NEK6: variants seen among roughly 807,000 people sequenced by gnomAD.
NEK6 encodes NIMA related kinase 6, also known as serine/threonine-protein kinase Nek6.
A neutral mutation model predicts 43.5 loss-of-function variants in NEK6; 27 were observed. The ratio of observed to expected loss-of-function variants is 0.62; its 90% CI spans 0.46 to 0.86. NEK6 has a LOEUF of 0.86. NEK6 is among the 40% of genes least tolerant of loss of function. The pLI, the probability that NEK6 is intolerant of heterozygous loss-of-function variation, is 0.00. For synonymous variants in NEK6, 167 were observed against 164.1 expected (o/e 1.02, Z -0.14); for missense variants, 318 against 414.4 (o/e 0.77, Z 2.02).
chr9:124,287,735 G>C (rs1832226923), intron 1 of NEK6, among the ~76,000 whole-genome samples: 1 of 152,036 alleles, frequency 6.6e-6, no homozygotes, highest in Non-Finnish European at 1.5e-5. Flanking sequence ...TGAGGCAGGA[G>C]AATCTCTTGA....
intron 1 of NEK6, among the ~76,000 whole-genome samples, chr9:124,299,382 T>C (rs1012202366): frequency 6.6e-6 from 1 of 152,224 alleles, no homozygotes; most frequent in Non-Finnish European, 1.5e-5. Flanking sequence ...GGCTCAGTTT[T>C]ATCTTCAAAT....
intron 9 of NEK6, among the ~76,000 whole-genome samples, chr9:124,348,898 AG>A (rs1830104077): frequency 6.6e-6 from 1 of 152,264 alleles, no homozygotes; most frequent in Non-Finnish European, 1.5e-5. Flanking sequence ...CAAGTTAAAA[AG>A]ACCGGTGAGG....
At position 124,326,202 on chromosome 9, in the gene NEK6, T is replaced by TGCCCCCCCCCCCC; in HGVS notation, c.406-128_406-127insGCCCCCCCCCCCC. ...GCTTATTGTTTGCTCAGTGGCTCAA[T>TGCCCCCCCCCCCC]CCCCCCCCCCCGCCCCTGCCAGGCA... On this transcript the variant is annotated intron_variant, in intron 5 of 9. Transcript: ENST00000320246. This position sits in a 1 kb window ranked among gnomAD's most constrained non-coding sequence, Gnocchi z 4.5. 1 of 124,052 alleles carries TGCCCCCCCCCCCC rather than the reference T, an allele frequency of 8.1e-6. No homozygotes were observed. The highest frequency in any genetic ancestry group is 2.0e-5 in the Non-Finnish European group (1 of 50,618). The allele number at this position is 124,052 out of a possible 1,614,324, so 7.7% of individuals were successfully genotyped here. A position where few individuals can be genotyped will look rare whatever the true frequency, so the allele number is the denominator to read the frequency against.
intron 2 of NEK6, 77 bp downstream of exon 2, chr9:124,302,131 ACTC>A (rs906123172): frequency 1.8e-6 from 2 of 1,093,788 alleles, no homozygotes; most frequent in African/African-American, 3.2e-5. Context: ...CTTTGTCCAA[ACTC>A]CTACTGGTGG....
At chr9:124,293,058 G>GGTGGGCCTGCTA in intron 1 of NEK6, 1 of 1,437,272 alleles carries the variant, frequency 7.0e-7, no homozygotes, top group South Asian at 1.5e-5. Flanking sequence ...TCTCTGGGAT[G>GGTGGGCCTGCTA]GTGGGCCTGC....
rs1005584598 is a variant in NEK6 at position 124,291,860 on chromosome 9, G to A, written c.-29-10076G>A. ...TCCATTCACTTTGGAGGTGGCAGCC[G>A]GAGCTATTTTTAGAGCAGCGCATGG... On this transcript the variant is annotated intron_variant, in intron 1 of 9. Transcript: ENST00000320246. The A allele has an allele frequency of 2.0e-5, 20 of 985,464 alleles. No homozygotes were observed. In the African/African-American group the frequency reaches 3.1e-4, roughly 15 times the overall value. 61.0% of individuals were successfully genotyped at this position (985,464 alleles called of 1,614,324 possible). A position where few individuals can be genotyped will look rare whatever the true frequency, so the allele number is the denominator to read the frequency against.
intron 1 of NEK6, among the ~76,000 whole-genome samples, chr9:124,287,967 G>C (rs912469149): frequency 3.9e-5 from 6 of 152,232 alleles, no homozygotes; most frequent in Non-Finnish European, 8.8e-5. Context: ...TGGAGACAGT[G>C]GGGGAGGGGG....
rs144636007 is a variant in NEK6 at position 124,327,408 on chromosome 9, C to T, written c.585C>T (p.Arg195=). The T allele has an allele frequency of 3.0e-5, 49 of 1,613,574 alleles. No homozygotes were observed. In the East Asian group the frequency reaches 1.1e-3, roughly 35 times the overall value. Residue 195 remains arginine (R), a synonymous_variant, in exon 7 of 10, where the codon CGC becomes CGT. Transcript: ENST00000320246. ...VVKLGDLGLG[R]FFSSETTAAH... is the part of the protein sequence containing the mutation. The stretch of plus-strand genomic sequence containing the variant: ...AGCTCGGTGACCTTGGTCTGGGCCG[C>T]TTCTTCAGCTCTGAGACCACCGCAG...
chr9:124,319,110 G>C (rs562725828), intron 4 of NEK6, among the ~76,000 whole-genome samples: 102 of 152,010 alleles, frequency 6.7e-4, no homozygotes, highest in African/African-American at 2.3e-3. Context: ...CCAACCTCTC[G>C]AGTAGCTGTG....
chr9:124,299,930 G>C (rs2119120037), intron 1 of NEK6: 1 of 152,106 alleles, frequency 6.6e-6, no homozygotes, highest in East Asian at 1.9e-4. Flanking sequence ...CCCTGAGTTG[G>C]GCGTGTTCTG....
intron 2 of NEK6, among the ~76,000 whole-genome samples, chr9:124,303,696 G>C (rs1383378864): frequency 6.6e-6 from 1 of 152,214 alleles, no homozygotes; most frequent in Non-Finnish European, 1.5e-5. Flanking sequence ...GGTAGAATTT[G>C]GGGAGGCAGA....
At chr9:124,290,425 G>A (rs1418120168) in intron 1 of NEK6, among the ~76,000 whole-genome samples, 1 of 152,270 alleles carries the variant, frequency 6.6e-6, no homozygotes, top group Non-Finnish European at 1.5e-5. Flanking sequence ...GACAGTTGGG[G>A]CCGGCTGGTG....
In NEK6 at chr9:124,275,691, C is replaced by T. The variant is rs1463251360; in HGVS notation, c.-30+17606C>T. Among the ~76,000 whole-genome samples, 2 of 152,264 alleles carry T rather than the reference C, an allele frequency of 1.3e-5. No homozygotes were observed. Among genetic ancestry groups the T allele is most frequent in the Non-Finnish European group, 1.5e-5 (1 of 68,046 alleles). ...GGCCAGTCCCCTGCCCCAGGATCCC[C>T]TCCAGGGCTAGGACTGAGCCACTTT... On this transcript the variant is annotated intron_variant, in intron 1 of 9. Transcript: ENST00000320246. The surrounding 1 kb of genome is among the most constrained non-coding windows in gnomAD (Gnocchi z 4.4).
intron 5 of NEK6, 146 bp downstream of exon 5, chr9:124,321,715 C>T: frequency 3.3e-6 from 2 of 607,262 alleles, no homozygotes; most frequent in South Asian, 3.9e-5. Context: ...TGCAGATGCC[C>T]ACAGGCCTCA....
chr9:124,295,673 G>A (rs906968689), intron 1 of NEK6, among the ~76,000 whole-genome samples: 5 of 152,214 alleles, frequency 3.3e-5, no homozygotes, highest in African/African-American at 7.2e-5. Flanking sequence ...AAGTGTGAAC[G>A]AGGTATGAGC....
chr9:124,345,865 AGT>A (rs757653359), intron 8 of NEK6, among the ~76,000 whole-genome samples: 9 of 152,102 alleles, frequency 5.9e-5, no homozygotes, highest in Non-Finnish European at 1.2e-4. Context: ...TGCACCCGAG[AGT>A]CTCATTTTAA....
Position 124,350,885 on chromosome 9 carries a change from C to T in NEK6, c.880C>T (p.Pro294Ser). The T allele has an allele frequency of 1.2e-6, 2 of 1,612,634 alleles. No individual in the cohort carries two copies. The highest frequency in any genetic ancestry group is 1.7e-6 in the Non-Finnish European group (2 of 1,179,984). ...MCICPDPHQRPDIGYVHQVAK... is the reference protein window; with the variant it reads ...MCICPDPHQRSDIGYVHQVAK... ...CATCTGCCCTGACCCCCACCAGAGA[C>T]CTGACATCGGATACGTGCACCAGGT... The change falls in exon 10 of 10, where the codon CCT becomes TCT. Residue 294 changes from proline (P) to serine (S), a missense_variant. Around this residue, in one of 2 missense-constraint regions of NEK6, gnomAD observed 79 missense variants for 70.0 expected, o/e 1.13. Transcript: ENST00000320246.
chr9:124,314,108 C>A, intron 4 of NEK6, 123 bp downstream of exon 4: 1 of 827,598 alleles, frequency 1.2e-6, no homozygotes, highest in Non-Finnish European at 1.9e-6. Context: ...GCTAAGTTAA[C>A]AGACGATAGC....
intron 1 of NEK6, chr9:124,293,072 C>A: frequency 1.4e-6 from 2 of 1,420,888 alleles, no homozygotes; most frequent in Non-Finnish European, 9.3e-7. Context: ...GGCCTGCTAG[C>A]GGGCCTGGGA....
Sources: allele counts gnomAD v4.1 joint callset (sites outside exome capture counted in the v4.1 genomes callset), GRCh38; gene constraint gnomAD v4.1.1; regional missense constraint gnomAD v4.1.1; non-coding constraint Gnocchi (gnomAD v3.1); transcripts MANE v1.5; gene names NCBI Gene and HGNC (gene_info 2026-07-23, HGNC 2026-07-21).